GRIN2A: variants seen among roughly 807,000 people sequenced by gnomAD.
GRIN2A encodes the protein glutamate ionotropic receptor NMDA type subunit 2A.
Under a neutral mutation model 113.4 loss-of-function variants are expected in GRIN2A, and 22 were observed. The observed-to-expected ratio is 0.19, with a 90% confidence interval of 0.14 to 0.28. The LOEUF (loss-of-function observed/expected upper bound fraction) is 0.28. GRIN2A is among the 10% of genes least tolerant of loss of function. The pLI is 1.00. For synonymous variants in GRIN2A, 827 were observed against 738.4 expected (o/e 1.12, Z -1.94); for missense variants, 1,502 against 1,887.0 (o/e 0.80, Z 3.78).
At chr16:9,798,586 G>A in intron 10 of GRIN2A, 122 bp from the exon 11 acceptor site, 1 of 691,648 alleles carries the variant, frequency 1.4e-6, no homozygotes, top group South Asian at 1.8e-5. Context: ...GATGACTCAT[G>A]GCCTCTCCAT....
chr16:9,782,584 A>T (rs1018899917), intron 11 of GRIN2A, among the ~76,000 whole-genome samples: 2 of 152,134 alleles, frequency 1.3e-5, no homozygotes, highest in African/African-American at 4.8e-5. Flanking sequence ...TCTTATTTCC[A>T]CTTTGATGGT....
rs2047365910 is a variant in GRIN2A at position 10,051,880 on chromosome 16, T to G, written c.415-113329A>C. On this transcript the variant is annotated intron_variant, in intron 2 of 12. Coordinates refer to ENST00000330684, the MANE Select transcript of GRIN2A (RefSeq NM_001134407.3). The stretch of plus-strand genomic sequence containing the variant: ...ACATTTAAGCAGAAGGGTAATGGGA[T>G]TAGGTAGGTATTTTGTAAAGACTAC... Among the ~76,000 whole-genome samples the G allele has an allele frequency of 1.3e-5, 2 of 152,202 alleles. 1 individual carries two copies. The highest frequency in any genetic ancestry group is 4.1e-4 in the South Asian group (2 of 4,824).
chr16:9,937,690 A>G, intron 3 of GRIN2A: 1 of 491,790 alleles, frequency 2.0e-6, no homozygotes, highest in Non-Finnish European at 3.7e-6. Context: ...ATAGACAGAC[A>G]GACAGATCGA....
chr16:9,762,961 C>T lies in GRIN2A; in HGVS notation c.*188G>A. The T allele has an allele frequency of 1.5e-6, 1 of 647,164 alleles. No homozygotes were observed. Among genetic ancestry groups the T allele is most frequent in the African/African-American group, 1.8e-5 (1 of 55,112 alleles). 40.1% of individuals were successfully genotyped at this position (647,164 alleles called of 1,614,324 possible). On this transcript the variant is annotated 3_prime_UTR_variant, in exon 13 of 13. Transcript: ENST00000330684. Reference sequence around the variant, plus strand: ...TGTCTGCCATGCTCAGCACACACCTCACAAGATTCCTTGAGTGGAAGATTA... The same window carrying T: ...TGTCTGCCATGCTCAGCACACACCTTACAAGATTCCTTGAGTGGAAGATTA...
At chr16:9,899,391 G>T (rs924439433) in intron 3 of GRIN2A, among the ~76,000 whole-genome samples, 1 of 123,504 alleles carries the variant, frequency 8.1e-6, no homozygotes, top group African/African-American at 3.1e-5. Context: ...GGTGAGTGGA[G>T]ATCGCACCAT....
chr16:10,168,156 A>G (rs2049963544), intron 2 of GRIN2A, among the ~76,000 whole-genome samples: 1 of 152,164 alleles, frequency 6.6e-6, no homozygotes, highest in Admixed American at 6.5e-5. Context: ...AGCCAAAAAC[A>G]TTTTCACTAG....
intron 2 of GRIN2A, among the ~76,000 whole-genome samples, chr16:10,166,226 T>G (rs913056928): frequency 2.6e-5 from 4 of 152,208 alleles, no homozygotes; most frequent in Admixed American, 2.6e-4. Flanking sequence ...AGAGACAAGA[T>G]AGAGCAGGAG....
chr16:9,785,360 G>C (rs184712994), intron 11 of GRIN2A, among the ~76,000 whole-genome samples: 1 of 146,572 alleles, frequency 6.8e-6, no homozygotes, highest in African/African-American at 2.5e-5. Flanking sequence ...AACACCACAT[G>C]TTCTTACTCA....
chr16:9,912,602 T>A (rs1596576761), intron 3 of GRIN2A, among the ~76,000 whole-genome samples: 2 of 152,160 alleles, frequency 1.3e-5, no homozygotes, highest in East Asian at 3.9e-4. Context: ...TTGCTAGTTA[T>A]GAGTCTGCCT....
At chr16:10,053,757 C>T (rs904897171) in intron 2 of GRIN2A, among the ~76,000 whole-genome samples, 2 of 152,152 alleles carry the variant, frequency 1.3e-5, no homozygotes, top group African/African-American at 4.8e-5. Context: ...CAAAAGTAAT[C>T]GTGGTTTGTA....
chr16:9,958,671 T>A lies in GRIN2A; in HGVS notation c.415-20120A>T, dbSNP rs368665541. ...AGAGAGCTGGGGAAAGAATGCTTGC[T>A]GTGTATTAGGTTTCAGTTGCATATA... On this transcript the variant is annotated intron_variant, in intron 2 of 12. Transcript: ENST00000330684. Among the ~76,000 whole-genome samples, 15 of 152,240 alleles carry A rather than the reference T, an allele frequency of 9.9e-5. No homozygotes were observed. The East Asian group carries it at 2.7e-3, about 27-fold the overall frequency.
chr16:10,088,534 G>C (rs1307637162), intron 2 of GRIN2A, among the ~76,000 whole-genome samples: 1 of 152,206 alleles, frequency 6.6e-6, no homozygotes, highest in East Asian at 1.9e-4. Flanking sequence ...CAAGATCAGC[G>C]TCTGATCCTG....
At chr16:9,818,802 G>A (rs1428115176) in intron 10 of GRIN2A, among the ~76,000 whole-genome samples, 1 of 152,148 alleles carries the variant, frequency 6.6e-6, no homozygotes, top group East Asian at 1.9e-4. Flanking sequence ...CACTGATGGG[G>A]TAAGTATGAA....
chr16:10,035,636 G>A (rs1193458428), intron 2 of GRIN2A, among the ~76,000 whole-genome samples: 1 of 152,166 alleles, frequency 6.6e-6, no homozygotes, highest in South Asian at 2.1e-4. Flanking sequence ...AGATCTCAGG[G>A]GAAGCCCAAG....
At chr16:10,085,143 A>G (rs1181092561) in intron 2 of GRIN2A, among the ~76,000 whole-genome samples, 1 of 152,214 alleles carries the variant, frequency 6.6e-6, no homozygotes, top group African/African-American at 2.4e-5. Context: ...GGATTTGTCA[A>G]CTGAAGAAAC....
intron 12 of GRIN2A, among the ~76,000 whole-genome samples, chr16:9,765,949 A>G (rs2141141098): frequency 6.6e-6 from 1 of 152,330 alleles, no homozygotes; most frequent in Middle Eastern, 3.4e-3. Flanking sequence ...TTTAGAAAAC[A>G]ACTGTTTACG....
intron 5 of GRIN2A, among the ~76,000 whole-genome samples, chr16:9,841,349 G>T (rs1364471952): frequency 1.3e-5 from 2 of 152,092 alleles, no homozygotes; most frequent in Non-Finnish European, 2.9e-5. Context: ...TATCCTAAAG[G>T]CTTCATACTA....
intron 11 of GRIN2A, among the ~76,000 whole-genome samples, chr16:9,783,928 A>G (rs1902068733): frequency 6.6e-6 from 1 of 152,158 alleles, no homozygotes; most frequent in South Asian, 2.1e-4. Flanking sequence ...ATGAGAACAC[A>G]TAGACATATA....
At chr16:10,095,686 CA>C (rs71646510) in intron 2 of GRIN2A, among the ~76,000 whole-genome samples, 10,530 of 152,226 alleles carry the variant, frequency 0.069, 525 homozygotes, top group Admixed American at 0.12. Flanking sequence ...CAGAACCCAG[CA>C]TCAGAACTCC....
Sources: allele counts gnomAD v4.1 joint callset (sites outside exome capture counted in the v4.1 genomes callset), GRCh38; gene constraint gnomAD v4.1.1; transcripts MANE v1.5; gene names NCBI Gene and HGNC (gene_info 2026-07-23, HGNC 2026-07-21).